TENM4: variants seen among roughly 807,000 people sequenced by gnomAD.
TENM4 encodes teneurin-4.
Under a neutral mutation model 243.3 loss-of-function variants are expected in TENM4, and 82 were observed. The observed-to-expected ratio is 0.34, with a 90% CI of 0.28 to 0.40. The LOEUF (loss-of-function observed/expected upper bound fraction) is 0.40, where lower values mean the gene tolerates loss of function less well. Among genes scored for constraint, TENM4 ranks in the 10% least tolerant of loss-of-function variants. The pLI is 1.00. For missense variants in TENM4, 3,138 were observed against 3,673.3 expected, an observed-to-expected ratio of 0.85 and a Z score of 3.77; for synonymous variants, 1,412 against 1,456.3, an observed-to-expected ratio of 0.97 and a Z score of 0.69.
chr11:78,787,109 G>T (rs1481354899), intron 15 of TENM4, 26 bp from the exon 16 acceptor site: 1 of 1,525,234 alleles, frequency 6.6e-7, no homozygotes, highest in Non-Finnish European at 8.8e-7. Flanking sequence ...GAAGAAGGGA[G>T]GACACCAGGG....
chr11:79,415,712 C>T (rs1340195070), intron 1 of TENM4, among the ~76,000 whole-genome samples: 2 of 152,176 alleles, frequency 1.3e-5, no homozygotes, highest in African/African-American at 4.8e-5. Flanking sequence ...TTGTACTGAA[C>T]ATTAACTTAA....
At chr11:79,085,393 G>GC (rs1860788083) in intron 4 of TENM4, among the ~76,000 whole-genome samples, 1 of 146,960 alleles carries the variant, frequency 6.8e-6, no homozygotes, top group Admixed American at 6.7e-5. Context: ...AAAAAAGGGG[G>GC]GTTTTTTTTT....
At chr11:79,344,524 C>A (rs1857295732) in intron 1 of TENM4, among the ~76,000 whole-genome samples, 1 of 152,168 alleles carries the variant, frequency 6.6e-6, no homozygotes, top group Admixed American at 6.5e-5. Flanking sequence ...TACATGACAC[C>A]CCCAGAAGGG....
intron 15 of TENM4, among the ~76,000 whole-genome samples, chr11:78,800,727 G>C (rs1411635860): frequency 2.4e-5 from 3 of 126,362 alleles, no homozygotes; most frequent in African/African-American, 9.3e-5. Flanking sequence ...ACCTCACAGA[G>C]TTCACAGGGG....
chr11:79,342,481 C>G (rs539136041), intron 1 of TENM4, among the ~76,000 whole-genome samples: 1 of 152,086 alleles, frequency 6.6e-6, no homozygotes, highest in Non-Finnish European at 1.5e-5. Context: ...GGGAGTACAG[C>G]GGGCCACACA....
intron 1 of TENM4, among the ~76,000 whole-genome samples, chr11:79,323,610 T>A (rs1856927501): frequency 6.6e-6 from 1 of 152,228 alleles, no homozygotes; most frequent in African/African-American, 2.4e-5. Context: ...GATGTTGCTG[T>A]GAAGGTATTT....
chr11:78,727,284 T>C (rs914044872), intron 22 of TENM4, among the ~76,000 whole-genome samples: 2 of 151,988 alleles, frequency 1.3e-5, no homozygotes, highest in African/African-American at 4.8e-5. Context: ...TCGTCTCTAC[T>C]AAAAATACAA....
At chr11:79,267,861 A>G (rs1855907047) in intron 2 of TENM4, among the ~76,000 whole-genome samples, 1 of 152,230 alleles carries the variant, frequency 6.6e-6, no homozygotes, top group Non-Finnish European at 1.5e-5. Context: ...TTCATTACTG[A>G]AAAATCCCAG....
chr11:78,877,152 T>C (rs1281554525), intron 9 of TENM4, among the ~76,000 whole-genome samples: 1 of 152,254 alleles, frequency 6.6e-6, no homozygotes, highest in Admixed American at 6.5e-5. Context: ...TTTAGAAGGA[T>C]GAAGCTGTTT....
At chr11:78,738,809 G>A (rs530975036) in intron 19 of TENM4, among the ~76,000 whole-genome samples, 8 of 152,300 alleles carry the variant, frequency 5.3e-5, no homozygotes, top group African/African-American at 1.9e-4. Context: ...GATCTCACTC[G>A]GAGGTTATTT....
intron 6 of TENM4, among the ~76,000 whole-genome samples, chr11:78,979,406 G>C (rs541971514): frequency 9.2e-5 from 14 of 152,318 alleles, no homozygotes; most frequent in African/African-American, 3.4e-4. Flanking sequence ...AAAGATCAAG[G>C]CCTTAATTGA....
chr11:78,797,093 A>G (rs1591030503), intron 15 of TENM4, among the ~76,000 whole-genome samples: 1 of 152,208 alleles, frequency 6.6e-6, no homozygotes, highest in African/African-American at 2.4e-5. Context: ...TTCAGCACAA[A>G]CCTTGGTAAT....
rs1366505536 is a variant in TENM4 at position 78,658,671 on chromosome 11, A to G, written c.7697T>C (p.Phe2566Ser). The G allele has an allele frequency of 6.2e-7, 1 of 1,613,904 alleles. No individual in the cohort carries two copies. The highest frequency in any genetic ancestry group is 1.3e-5 in the African/African-American group (1 of 74,930). ...TKKFASSGSVFGKGVKFALKD... is the reference protein window; with the variant it reads ...TKKFASSGSVSGKGVKFALKD... ...CAAGGCAAACTTGACCCCCTTGCCA[A>G]AGACTGAGCCGCTGGATGCAAACTT... is the stretch of plus-strand genomic sequence containing the variant. The change falls in exon 34 of 34, where the codon TTT (phenylalanine) becomes TCT (serine). Residue 2566 changes from phenylalanine to serine, a missense_variant. By Grantham distance (155) the Phe-to-Ser change is radical. Around this residue, in one of 2 missense-constraint regions of TENM4, gnomAD observed 2,467 missense variants for 3,059.1 expected, o/e 0.81. Transcript: ENST00000278550.
chr11:78,999,577 C>T (rs1361232560), intron 6 of TENM4, among the ~76,000 whole-genome samples: 2 of 152,016 alleles, frequency 1.3e-5, no homozygotes, highest in African/African-American at 2.4e-5. Flanking sequence ...AAAAAGAGAA[C>T]AGTAACAACA....
intron 2 of TENM4, among the ~76,000 whole-genome samples, chr11:79,244,906 G>GA (rs1855486548): frequency 2.0e-5 from 3 of 152,260 alleles, no homozygotes; most frequent in African/African-American, 7.2e-5. Flanking sequence ...GTGTGTGGGG[G>GA]AAAATGCTTC....
chr11:78,927,570 T>C (rs144654271), intron 6 of TENM4, among the ~76,000 whole-genome samples: 3 of 152,304 alleles, frequency 2.0e-5, no homozygotes, highest in African/African-American at 7.2e-5. Context: ...TTATTCAAAA[T>C]AGAGGAGGTT....
chr11:79,128,092 T>A (rs185130214), intron 4 of TENM4, among the ~76,000 whole-genome samples: 4 of 152,314 alleles, frequency 2.6e-5, no homozygotes, highest in Admixed American at 2.0e-4. Context: ...CTGGGCCAGA[T>A]GACCCAGCAG....
intron 4 of TENM4, among the ~76,000 whole-genome samples, chr11:79,126,998 G>A (rs1861893162): frequency 6.6e-6 from 1 of 152,194 alleles, no homozygotes; most frequent in Non-Finnish European, 1.5e-5. Flanking sequence ...GGCGCTTATG[G>A]AGGTCAGATA....
intron 3 of TENM4, among the ~76,000 whole-genome samples, chr11:79,154,140 T>TAA (rs34485787): frequency 1.0e-3 from 150 of 150,666 alleles, no homozygotes; most frequent in Middle Eastern, 6.9e-3. Flanking sequence ...GTTGGGTAAT[T>TAA]AAAAAAAAAG....
Sources: allele counts gnomAD v4.1 joint callset (sites outside exome capture counted in the v4.1 genomes callset), GRCh38; gene constraint gnomAD v4.1.1; regional missense constraint gnomAD v4.1.1; transcripts MANE v1.5; gene names NCBI Gene and HGNC (gene_info 2026-07-23, HGNC 2026-07-21).